The following COL26A1 variants were observed in gnomAD, a reference collection of about 807,000 sequenced individuals.
COL26A1 encodes collagen alpha-1(XXVI) chain.
A neutral mutation model predicts 59.3 loss-of-function variants in COL26A1; 41 were observed. The ratio of observed to expected loss-of-function variants is 0.69; its 90% CI spans 0.54 to 0.90. COL26A1 has a LOEUF of 0.90. Ranked by LOEUF, COL26A1 falls within the 40% of genes least tolerant of loss-of-function variation. The probability of loss-of-function intolerance (pLI) is 0.00; values close to 1 mark genes in which losing one functional copy is unlikely to be tolerated. For synonymous variants in COL26A1, 266 were observed against 256.0 expected (o/e 1.04, Z -0.37); for missense variants, 612 against 602.3 (o/e 1.02, Z -0.17).
At chr7:101,480,332 G>A (rs1402644350) in intron 3 of COL26A1, among the ~76,000 whole-genome samples, 1 of 151,996 alleles carries the variant, frequency 6.6e-6, no homozygotes, top group African/African-American at 2.4e-5. Flanking sequence ...ATTTTTCCAA[G>A]TTATACTTAG....
intron 4 of COL26A1, among the ~76,000 whole-genome samples, chr7:101,539,317 T>TGC (rs1584497330): frequency 1.4e-5 from 2 of 144,912 alleles, no homozygotes; most frequent in African/African-American, 5.4e-5. Context: ...TGTGTGTGTG[T>TGC]GTGCGTATGT....
At chr7:101,458,804 C>CT (rs35208249) in intron 3 of COL26A1, among the ~76,000 whole-genome samples, 20,655 of 140,352 alleles carry the variant, frequency 0.15, 2,249 homozygotes, top group African/African-American at 0.3. Flanking sequence ...AAACCTGGGT[C>CT]TTTTTTTTTT....
In COL26A1 at chr7:101,420,019, G is replaced by A. The variant is rs1416991631; in HGVS notation, c.201G>A (p.Gln67=). ...HHTVTRTVSC[Q]VQNGSETVVQ... is the part of the protein sequence containing the mutation. ...CAGTGACACGGACGGTGTCCTGCCA[G>A]GTGCAGAATGGCTCGGAGACGGTGG... The change falls in exon 2 of 13, where the codon CAG becomes CAA. Residue 67 remains glutamine, a synonymous_variant. Coordinates refer to ENST00000313669, the MANE Select transcript of COL26A1 (RefSeq NM_001278563.3). 3 of 1,613,692 alleles carry A rather than the reference G, an allele frequency of 1.9e-6. No individual in the cohort carries two copies. The highest frequency in any genetic ancestry group is 2.5e-6 in the Non-Finnish European group (3 of 1,179,888).
intron 1 of COL26A1, among the ~76,000 whole-genome samples, chr7:101,414,432 TTG>T (rs34282686): frequency 0.19 from 28,271 of 145,844 alleles, 2,917 homozygotes; most frequent in Non-Finnish European, 0.24. Context: ...CACTCTGTGT[TTG>T]TGTGTGTGTG....
intron 1 of COL26A1, among the ~76,000 whole-genome samples, chr7:101,405,178 G>A (rs1016121139): frequency 2.7e-5 from 4 of 149,476 alleles, no homozygotes; most frequent in East Asian, 2.0e-4. Context: ...AGCTGAGATC[G>A]CGCCACTGCA....
In COL26A1 at chr7:101,489,701, CTTT is replaced by C; in HGVS notation, c.385+41915_385+41917del. Among the ~76,000 whole-genome samples the C allele has an allele frequency of 1.1e-4, 9 of 84,080 alleles. 3 individuals carry two copies. The highest frequency in any genetic ancestry group is 1.9e-4 in the Non-Finnish European group (9 of 46,638). 55.2% of individuals were successfully genotyped at this position (84,080 alleles called of 152,430 possible). The stretch of plus-strand genomic sequence containing the variant: ...CCTTCCTTTCTTTCTTTCTTTCTGT[CTTT>C]CTTTCTTTCATTCTTTCTTTCTCTC... On this transcript the variant is annotated intron_variant, in intron 3 of 12. Transcript: ENST00000313669.
rs192718000 is a variant in COL26A1, at chr7:101,529,371, C to T, written c.386-3711C>T. On this transcript the variant is annotated intron_variant, in intron 3 of 12. Coordinates refer to ENST00000313669, the MANE Select transcript of COL26A1 (RefSeq NM_001278563.3). Reference sequence around the variant, plus strand: ...GCAGCCTCTGCCTCCCGGGTTCAAGCGATCCTCGTGCCTCAGCCTCCCTAG... The same window carrying T: ...GCAGCCTCTGCCTCCCGGGTTCAAGTGATCCTCGTGCCTCAGCCTCCCTAG... Among the ~76,000 whole-genome samples, 21 of 152,106 alleles carry T rather than the reference C, an allele frequency of 1.4e-4. No homozygotes were observed. The East Asian group carries it at 1.7e-3, about 13-fold the overall frequency.
intron 1 of COL26A1, among the ~76,000 whole-genome samples, chr7:101,392,304 C>T (rs948095494): frequency 5.9e-5 from 9 of 151,922 alleles, no homozygotes; most frequent in Non-Finnish European, 1.0e-4. Context: ...CTACCTCCTG[C>T]CCCCCAGCTA....
At chr7:101,535,588 C>T (rs559066558) in intron 4 of COL26A1, among the ~76,000 whole-genome samples, 6 of 152,304 alleles carry the variant, frequency 3.9e-5, no homozygotes, top group African/African-American at 1.2e-4. Flanking sequence ...GCAGCAGGCC[C>T]GGGGCAGAGC....
At chr7:101,390,938 T>G (rs1791714251) in intron 1 of COL26A1, among the ~76,000 whole-genome samples, 2 of 152,190 alleles carry the variant, frequency 1.3e-5, no homozygotes, top group South Asian at 2.1e-4. Flanking sequence ...TCCTCTCTCC[T>G]CCCACTGTGG....
chr7:101,393,320 C>T (rs1163188531), intron 1 of COL26A1, among the ~76,000 whole-genome samples: 1 of 152,154 alleles, frequency 6.6e-6, no homozygotes, highest in East Asian at 1.9e-4. Context: ...CATCTGCAAG[C>T]TGAGGAGCAA....
intron 3 of COL26A1, among the ~76,000 whole-genome samples, chr7:101,499,980 G>A (rs1794667851): frequency 6.6e-6 from 1 of 151,946 alleles, no homozygotes. Context: ...TTACCCTTGA[G>A]TGGAAACTGG....
At chr7:101,440,542 C>A (rs1793031971) in intron 2 of COL26A1, among the ~76,000 whole-genome samples, 1 of 152,160 alleles carries the variant, frequency 6.6e-6, no homozygotes, top group Non-Finnish European at 1.5e-5. Flanking sequence ...AGGGGGGCTA[C>A]CAAGCTGAGT....
intron 3 of COL26A1, among the ~76,000 whole-genome samples, chr7:101,450,565 G>T (rs544113963): frequency 6.6e-6 from 1 of 151,878 alleles, no homozygotes; most frequent in Admixed American, 6.6e-5. Context: ...TACCTCCCAC[G>T]AGCCAAGTGC....
At chr7:101,364,342 A>G (rs1790989889) in intron 1 of COL26A1, among the ~76,000 whole-genome samples, 1 of 150,136 alleles carries the variant, frequency 6.7e-6, no homozygotes, top group Non-Finnish European at 1.5e-5. Flanking sequence ...TTATATTTTA[A>G]TTTTTTTTTT....
chr7:101,536,483 T>C (rs6980148), intron 4 of COL26A1, among the ~76,000 whole-genome samples: 21,089 of 152,174 alleles, frequency 0.14, 2,101 homozygotes, highest in African/African-American at 0.28. Flanking sequence ...GTTTTCAGCT[T>C]AGATCAGAGG....
At chr7:101,416,935 G>A (rs868434526) in intron 1 of COL26A1, among the ~76,000 whole-genome samples, 1 of 105,980 alleles carries the variant, frequency 9.4e-6, no homozygotes, top group Non-Finnish European at 2.5e-5. Flanking sequence ...TAGATACAGT[G>A]TTTCACCATG....
At chr7:101,380,303 T>G (rs1316024043) in intron 1 of COL26A1, among the ~76,000 whole-genome samples, 1 of 151,122 alleles carries the variant, frequency 6.6e-6, no homozygotes, top group Non-Finnish European at 1.5e-5. Flanking sequence ...TTTTTTTTTT[T>G]TTTTTTTTTT....
At position 101,553,226 on chromosome 7, in the gene COL26A1, A is replaced by C. The variant is rs111385177; in HGVS notation, c.1030-100A>C. On this transcript the variant is annotated intron_variant, in intron 10 of 12. Coordinates refer to ENST00000313669, the MANE Select transcript of COL26A1 (RefSeq NM_001278563.3). The stretch of plus-strand genomic sequence containing the variant: ...CCCGTTTCCCAGGCCCTGCCTGCCC[A>C]GCCTGCCCCTGACTCCCTGCAGGCC... 8.7e-3 allele frequency: 9,424 copies of C among 1,082,550 alleles called. 501 individuals are homozygous for C. The African/African-American group carries it at 0.12, about 14-fold the overall frequency. 67.1% of individuals were successfully genotyped at this position (1,082,550 alleles called of 1,614,324 possible).
Sources: gnomAD v4.1 joint callset for allele counts (sites outside exome capture counted in the v4.1 genomes callset) on GRCh38, gnomAD v4.1.1 for gene constraint, MANE v1.5 for transcripts, NCBI Gene and HGNC (gene_info 2026-07-23, HGNC 2026-07-21) for gene names.